The following PHACTR1 variants were observed in gnomAD, a reference collection of about 807,000 sequenced individuals.
PHACTR1 encodes RPEL repeat containing 1.
A neutral mutation model predicts 69.2 loss-of-function variants in PHACTR1; 16 were observed. That is an observed-to-expected ratio of 0.23 (90% CI 0.16 to 0.35). The LOEUF is 0.35. Ranked by LOEUF, PHACTR1 falls within the 10% of genes least tolerant of loss-of-function variation. The pLI is 1.00. For missense variants in PHACTR1, 510 were observed against 734.7 expected (o/e 0.69, Z 3.54); for synonymous variants, 312 against 284.5 (o/e 1.10, Z -0.97).
chr6:12,789,424 G>A (rs546396867), intron 4 of PHACTR1, among the ~76,000 whole-genome samples: 46 of 152,132 alleles, frequency 3.0e-4, no homozygotes, highest in African/African-American at 8.7e-4. Flanking sequence ...GGCCAGGTCC[G>A]TGGTTCTCTC....
chr6:13,022,363 G>T (rs755696473), intron 4 of PHACTR1, among the ~76,000 whole-genome samples: 2 of 152,192 alleles, frequency 1.3e-5, no homozygotes, highest in Non-Finnish European at 2.9e-5. Context: ...AACCTATCTA[G>T]ATCAGGGGTT....
intron 5 of PHACTR1, among the ~76,000 whole-genome samples, chr6:13,101,034 A>G (rs1448020200): frequency 2.6e-5 from 4 of 152,172 alleles, no homozygotes; most frequent in African/African-American, 9.7e-5. Flanking sequence ...AGTCCCATAA[A>G]CTTTCATTTT....
chr6:13,247,325 T>TGG (rs1313351753), intron 10 of PHACTR1, among the ~76,000 whole-genome samples: 1 of 105,012 alleles, frequency 9.5e-6, no homozygotes, highest in East Asian at 2.5e-4. Context: ...TCAAGTTCCC[T>TGG]CGTGTGTGTG....
chr6:12,814,215 T>G (rs1775324778), intron 4 of PHACTR1, among the ~76,000 whole-genome samples: 1 of 152,192 alleles, frequency 6.6e-6, no homozygotes, highest in Non-Finnish European at 1.5e-5. Context: ...AAACTCCTCT[T>G]GCTGCCCTGT....
At chr6:13,094,808 G>C (rs1257260497) in intron 5 of PHACTR1, among the ~76,000 whole-genome samples, 1 of 151,996 alleles carries the variant, frequency 6.6e-6, no homozygotes, top group Non-Finnish European at 1.5e-5. Flanking sequence ...ACAAAGTTTG[G>C]AGAAAAAAAT....
chr6:12,758,466 TAAAAAAAAAAA>T (rs11361990), intron 4 of PHACTR1, among the ~76,000 whole-genome samples: 1 of 95,796 alleles, frequency 1.0e-5, no homozygotes. Context: ...ACTCTCTTTC[TAAAAAAAAAAA>T]AAAAAAAAAG....
intron 4 of PHACTR1, among the ~76,000 whole-genome samples, chr6:12,910,206 T>G (rs1786230443): frequency 2.0e-5 from 3 of 152,174 alleles, no homozygotes; most frequent in Admixed American, 2.0e-4. Context: ...AGCTCTACTG[T>G]ATAAGCTGAT....
chr6:12,936,487 CGTT>C (rs527701132), intron 4 of PHACTR1, among the ~76,000 whole-genome samples: 146 of 152,232 alleles, frequency 9.6e-4, no homozygotes, highest in Non-Finnish European at 1.9e-3. Flanking sequence ...ATTTATATGG[CGTT>C]GTTTGCAGAT....
At chr6:13,254,480 A>C (rs1472567173) in intron 10 of PHACTR1, among the ~76,000 whole-genome samples, 10 of 152,224 alleles carry the variant, frequency 6.6e-5, no homozygotes, top group Admixed American at 6.5e-4. Flanking sequence ...ACTGTTGATC[A>C]CCAGGATTGA....
intron 10 of PHACTR1, among the ~76,000 whole-genome samples, chr6:13,258,601 G>A (rs967468889): frequency 1.5e-4 from 23 of 152,212 alleles, no homozygotes; most frequent in African/African-American, 5.3e-4. Context: ...CACTAGTCTC[G>A]TGAAGGGTGA....
At chr6:12,935,346 C>T (rs189269182) in intron 4 of PHACTR1, among the ~76,000 whole-genome samples, 27 of 152,202 alleles carry the variant, frequency 1.8e-4, no homozygotes, top group Admixed American at 5.9e-4. Context: ...CTGATTCAAG[C>T]GATTCTCCTG....
chr6:13,069,639 A>G (rs1385456450), intron 5 of PHACTR1, among the ~76,000 whole-genome samples: 2 of 152,028 alleles, frequency 1.3e-5, no homozygotes, highest in African/African-American at 4.8e-5. Flanking sequence ...ATTCCACATA[A>G]AGCTTAGATG....
chr6:12,862,556 G>A (rs574522722), intron 4 of PHACTR1, among the ~76,000 whole-genome samples: 5 of 152,222 alleles, frequency 3.3e-5, no homozygotes, highest in Non-Finnish European at 5.9e-5. Flanking sequence ...CGAGACAAGA[G>A]AAGAATGATC....
At chr6:12,744,517 C>T (rs1216684068) in intron 3 of PHACTR1, among the ~76,000 whole-genome samples, 1 of 152,146 alleles carries the variant, frequency 6.6e-6, no homozygotes, top group Non-Finnish European at 1.5e-5. Context: ...CAATCTATTT[C>T]CTTTGGGTCT....
chr6:13,179,729 TAGATAGATAGATAGATAGAC>T lies in PHACTR1; in HGVS notation c.497-2786_497-2767del, dbSNP rs1468451744. 1.6e-5 allele frequency among the ~76,000 whole-genome samples: 2 copies of T among 123,278 alleles called. No individual in the cohort carries two copies. Among genetic ancestry groups the T allele is most frequent in the African/African-American group, 6.2e-5 (2 of 32,236 alleles). The allele number at this position is 123,278 out of a possible 152,430, so 80.9% of individuals were successfully genotyped here. A position where few individuals can be genotyped will look rare whatever the true frequency, so the allele number is the denominator to read the frequency against. ...ATAGATAGATAGATAGATAGATAGA[TAGATAGATAGATAGATAGAC>T]AGAACAAGGTTATCAATATTAATGT... On this transcript the variant is annotated intron_variant, in intron 6 of 14. Coordinates refer to ENST00000332995, the MANE Select transcript of PHACTR1 (RefSeq NM_030948.6). This position sits in a 1 kb window ranked among gnomAD's most constrained non-coding sequence, Gnocchi z 4.2.
At chr6:13,003,283 A>G (rs553776473) in intron 4 of PHACTR1, among the ~76,000 whole-genome samples, 3 of 152,322 alleles carry the variant, frequency 2.0e-5, no homozygotes, top group South Asian at 4.1e-4. Flanking sequence ...ATTTTTTATC[A>G]TAACTCAGAC....
chr6:12,886,452 T>C (rs1351319270), intron 4 of PHACTR1, among the ~76,000 whole-genome samples: 1 of 152,208 alleles, frequency 6.6e-6, no homozygotes, highest in Non-Finnish European at 1.5e-5. Flanking sequence ...GCTTTTAATA[T>C]TTTTTCATAT....
chr6:12,780,528 G>C (rs1770689546), intron 4 of PHACTR1, among the ~76,000 whole-genome samples: 1 of 152,192 alleles, frequency 6.6e-6, no homozygotes, highest in Admixed American at 6.5e-5. Context: ...ATCTTTGCCA[G>C]ATCCTTGTGA....
chr6:12,914,707 C>T (rs189757123), intron 4 of PHACTR1, among the ~76,000 whole-genome samples: 53 of 152,002 alleles, frequency 3.5e-4, no homozygotes, highest in African/African-American at 1.2e-3. Context: ...AGAAATCACA[C>T]GGTCAACTGA....
Sources: allele counts gnomAD v4.1 joint callset (sites outside exome capture counted in the v4.1 genomes callset), GRCh38; gene constraint gnomAD v4.1.1; non-coding constraint Gnocchi (gnomAD v3.1); transcripts MANE v1.5; gene names NCBI Gene and HGNC (gene_info 2026-07-23, HGNC 2026-07-21).